Variants in ANTXRL observed in about 807,000 individuals in gnomAD.
ANTXRL encodes ANTXR like.
A neutral mutation model predicts 75.4 loss-of-function variants in ANTXRL; 63 were observed. That is an observed-to-expected ratio of 0.84 (90% confidence interval 0.68 to 1.03). ANTXRL has a LOEUF of 1.03. Ranked by LOEUF, ANTXRL falls within the 50% of genes least tolerant of loss-of-function variation. ANTXRL has a pLI of 0.00. For missense variants in ANTXRL, 797 were observed against 789.4 expected, an observed-to-expected ratio of 1.01 and a Z score of -0.12; for synonymous variants, 335 against 291.3, an observed-to-expected ratio of 1.15 and a Z score of -1.53.
In ANTXRL at chr10:46,302,827, T is replaced by G. The variant is rs1261355147; in HGVS notation, c.895+7T>G. Reference sequence around the variant, plus strand: ...AATGAAAGCACTATCATTGGTAAGTTGTCTCCTCTGTGCCTCTGAGTCACG... The same window carrying G: ...AATGAAAGCACTATCATTGGTAAGTGGTCTCCTCTGTGCCTCTGAGTCACG... On this transcript the variant is annotated splice_region_variant and intron_variant, in intron 10 of 16. Transcript: ENST00000620264. 10 of 1,519,552 alleles carry G rather than the reference T, an allele frequency of 6.6e-6. No individual in the cohort carries two copies. The highest frequency in any genetic ancestry group is 1.4e-5 in the African/African-American group (1 of 72,576). The allele number at this position is 1,519,552 out of a possible 1,614,324, so 94.1% of individuals were successfully genotyped here.
At chr10:46,291,926 G>A (rs1837004409) in intron 1 of ANTXRL, 132 bp from the exon 2 acceptor site, 10 of 776,864 alleles carry the variant, frequency 1.3e-5, no homozygotes, top group South Asian at 1.2e-4. Flanking sequence ...CACTGGGGGT[G>A]TACCCCAGCC....
In ANTXRL at chr10:46,310,470, G is replaced by C; in HGVS notation, c.1144G>C (p.Glu382Gln). 6.5e-7 allele frequency: 1 copy of C among 1,536,344 alleles called. No individual in the cohort carries two copies. The highest frequency in any genetic ancestry group is 8.7e-7 in the Non-Finnish European group (1 of 1,146,816). The change falls in exon 14 of 17, where the codon GAG (glutamate) becomes CAG (glutamine). Residue 382 changes from glutamate to glutamine, a missense_variant. Glu to Gln is a conservative substitution (Grantham distance 29). Coordinates refer to ENST00000620264, the MANE Select transcript of ANTXRL (RefSeq NM_001278688.3). Reference sequence around the variant, plus strand: ...CTTTTGAACATTCTAGACTGTCAAGGAGCCACCACCTGTGCAGAAGCCAGA... The same window carrying C: ...CTTTTGAACATTCTAGACTGTCAAGCAGCCACCACCTGTGCAGAAGCCAGA... ...WRLCRKQTVKEPPPVQKPEKE... is the reference protein window; with the variant it reads ...WRLCRKQTVKQPPPVQKPEKE...
Position 46,293,372 on chromosome 10 carries a change from C to CTG in ANTXRL, c.321-450_321-449dup, listed in dbSNP as rs1345180326. On this transcript the variant is annotated intron_variant, in intron 2 of 16. Transcript: ENST00000620264. The stretch of plus-strand genomic sequence containing the variant: ...TGCATGTGTGTGCATGTGAGTGTGC[C>CTG]TGTGTGTGAGTGTGTGCCTGTGTGT... Among the ~76,000 whole-genome samples, 5 of 106,878 alleles carry CTG rather than the reference C, an allele frequency of 4.7e-5. No homozygotes were observed. The East Asian group carries it at 1.5e-3, about 32-fold the overall frequency. 70.1% of individuals were successfully genotyped at this position (106,878 alleles called of 152,430 possible).
Position 46,329,657 on chromosome 10 carries a change from C to G in ANTXRL, c.1469C>G (p.Pro490Arg). 1.3e-6 allele frequency: 2 copies of G among 1,536,448 alleles called. No homozygotes were observed. The highest frequency in any genetic ancestry group is 4.9e-5 in the East Asian group (2 of 40,916). Reference protein sequence around the residue: ...QSQYAQAPCCPRICFPHSQEC... With the variant: ...QSQYAQAPCCRRICFPHSQEC... Reference sequence around the variant, plus strand: ...CAATATGCACAGGCTCCCTGCTGCCCAAGGATCTGCTTTCCACACAGCCAG... The same window carrying G: ...CAATATGCACAGGCTCCCTGCTGCCGAAGGATCTGCTTTCCACACAGCCAG... Residue 490 changes from proline to arginine, a missense_variant, in exon 17 of 17, where the codon CCA (proline) becomes CGA (arginine). This residue lies in a region of ANTXRL where 479 missense variants were observed against 422.0 expected (regional missense o/e 1.14). Coordinates refer to ENST00000620264, the MANE Select transcript of ANTXRL (RefSeq NM_001278688.3).
chr10:46,301,155 A>T (rs1396152034), intron 9 of ANTXRL, among the ~76,000 whole-genome samples: 3 of 152,250 alleles, frequency 2.0e-5, no homozygotes, highest in African/African-American at 7.2e-5. Context: ...CAAGGGGCGC[A>T]GGCCACAGGC....
intron 12 of ANTXRL, chr10:46,308,777 T>C (rs1476567148): frequency 3.4e-5 from 13 of 379,596 alleles, no homozygotes; most frequent in African/African-American, 1.2e-4. Context: ...CCTGCTCCTG[T>C]GCCTGCACCT....
At position 46,329,600 on chromosome 10, in the gene ANTXRL, G is replaced by A. The variant is rs1554967095; in HGVS notation, c.1412G>A (p.Gly471Glu). 2 of 1,535,172 alleles carry A rather than the reference G, an allele frequency of 1.3e-6. No homozygotes were observed. Among genetic ancestry groups the A allele is most frequent in the Admixed American group, 3.9e-5 (2 of 50,926 alleles). The change falls in exon 17 of 17, where the codon GGG becomes GAG. Residue 471 changes from glycine (G) to glutamate (E), a missense_variant and splice_region_variant. By Grantham distance (98) the Gly-to-Glu change is moderately conservative. Coordinates refer to ENST00000620264, the MANE Select transcript of ANTXRL (RefSeq NM_001278688.3). ...TTCTCTCTCTTCTCTTCCCTACAGGGGAGGTACCTCAGCTTAGCCCTTGCA... is the reference window on the plus strand; with the variant it reads ...TTCTCTCTCTTCTCTTCCCTACAGGAGAGGTACCTCAGCTTAGCCCTTGCA... ...PWMCCQSRDQ[G>E]RYLSLALAQS... is the part of the protein sequence containing the mutation.
chr10:46,318,492 AACG>A (rs1838839028), intron 16 of ANTXRL, among the ~76,000 whole-genome samples: 1 of 151,480 alleles, frequency 6.6e-6, no homozygotes, highest in Non-Finnish European at 1.5e-5. Context: ...ATTTGATCAA[AACG>A]ACAAGTTCAC....
At chr10:46,302,125 G>A (rs1329374442) in intron 9 of ANTXRL, among the ~76,000 whole-genome samples, 1 of 152,206 alleles carries the variant, frequency 6.6e-6, no homozygotes, top group Non-Finnish European at 1.5e-5. Context: ...CAGGGCTTCT[G>A]TGATGGATTC....
chr10:46,315,379 C>T (rs1171389872), intron 16 of ANTXRL, among the ~76,000 whole-genome samples: 3 of 152,246 alleles, frequency 2.0e-5, no homozygotes, highest in African/African-American at 7.2e-5. Flanking sequence ...CGGCCCCAGC[C>T]AGGCAGCCCA....
chr10:46,297,562 T>C (rs1837457388), intron 7 of ANTXRL, 88 bp downstream of exon 7: 1 of 1,367,856 alleles, frequency 7.3e-7, no homozygotes, highest in South Asian at 1.3e-5. Context: ...AGGACGGTTG[T>C]CTAAGCTGCC....
At chr10:46,302,360 T>G (rs1837803067) in intron 9 of ANTXRL, among the ~76,000 whole-genome samples, 1 of 152,134 alleles carries the variant, frequency 6.6e-6, no homozygotes, top group Non-Finnish European at 1.5e-5. Context: ...AGGGAGGGCC[T>G]GGCTGAGTGC....
chr10:46,311,266 G>T (rs1838404871), intron 14 of ANTXRL, among the ~76,000 whole-genome samples: 1 of 152,090 alleles, frequency 6.6e-6, no homozygotes, highest in Admixed American at 6.6e-5. Context: ...ATAACCCCCA[G>T]GGCAGGCCTC....
chr10:46,317,384 C>A (rs1445497921), intron 16 of ANTXRL, among the ~76,000 whole-genome samples: 2 of 152,176 alleles, frequency 1.3e-5, no homozygotes. Context: ...CTGTCACTTG[C>A]AGACCTCCTT....
rs1418723310 is a variant in ANTXRL, at chr10:46,308,630, G to A, written c.1045-483G>A. 17 of 352,790 alleles carry A rather than the reference G, an allele frequency of 4.8e-5. No homozygotes were observed. The Admixed American group carries it at 6.5e-4, about 14-fold the overall frequency. The allele number at this position is 352,790 out of a possible 1,614,324, so 21.9% of individuals were successfully genotyped here. ...ACTTGGAGCTCTCTAAACCTCACAA[G>A]TGCCCCCAGGGAGGGCGGCTCATTC... is the stretch of plus-strand genomic sequence containing the variant. On this transcript the variant is annotated intron_variant, in intron 12 of 16. Transcript: ENST00000620264.
In ANTXRL at chr10:46,329,746, T is replaced by C. The variant is rs1554967177; in HGVS notation, c.1558T>C (p.Cys520Arg). 3 of 1,534,356 alleles carry C rather than the reference T, an allele frequency of 2.0e-6. No individual in the cohort carries two copies. Among genetic ancestry groups the C allele is most frequent in the African/African-American group, 2.8e-5 (2 of 72,098 alleles). The change falls in exon 17 of 17, where the codon TGC becomes CGC. Residue 520 changes from cysteine (C) to arginine (R), a missense_variant. By Grantham distance (180) the Cys-to-Arg change is radical. Transcript: ENST00000620264. ...PRMCLRHSRE[C>R]LALKQARCSP... ...GATGTGCCTGAGACACAGCCGGGAG[T>C]GCCTCGCCCTCAAACAGGCTCGCTG...
In ANTXRL at chr10:46,328,078, G is replaced by T. The variant is rs565853430; in HGVS notation, c.1411-1521G>T. On this transcript the variant is annotated intron_variant, in intron 16 of 16. Transcript: ENST00000620264. ...AGAGCAGGGACAGGCACATCTAGAA[G>T]GACAGGGCACTTCCCACAATGGGCT... Among the ~76,000 whole-genome samples the T allele has an allele frequency of 2.0e-3, 298 of 152,240 alleles. 1 individual carries two copies. The highest frequency in any genetic ancestry group is 7.0e-3 in the African/African-American group (290 of 41,506).
chr10:46,322,951 TTAA>T (rs1197541225), intron 16 of ANTXRL, among the ~76,000 whole-genome samples: 1 of 152,200 alleles, frequency 6.6e-6, no homozygotes, highest in Non-Finnish European at 1.5e-5. Flanking sequence ...AGCTTCAATC[TTAA>T]TAATGGCCAT....
chr10:46,311,908 C>G (rs1480582731), intron 15 of ANTXRL, among the ~76,000 whole-genome samples: 15 of 151,590 alleles, frequency 9.9e-5, no homozygotes, highest in African/African-American at 3.6e-4. Flanking sequence ...ATTGAACTCC[C>G]TCTCTAGAAG....
Sources: allele counts gnomAD v4.1 joint callset (sites outside exome capture counted in the v4.1 genomes callset), GRCh38; gene constraint gnomAD v4.1.1; regional missense constraint gnomAD v4.1.1; transcripts MANE v1.5; gene names NCBI Gene and HGNC (gene_info 2026-07-23, HGNC 2026-07-21).